TTC28: variants seen among roughly 807,000 people sequenced by gnomAD.
TTC28 encodes tetratricopeptide repeat protein 28.
Under a neutral mutation model 198.0 loss-of-function variants are expected in TTC28, and 61 were observed. The observed-to-expected ratio is 0.31, with a 90% confidence interval of 0.25 to 0.38. The LOEUF is 0.38. Ranked by LOEUF, TTC28 falls within the 10% of genes least tolerant of loss-of-function variation. The pLI, the probability that TTC28 is intolerant of heterozygous loss-of-function variation, is 1.00. For missense variants in TTC28, 2,678 were observed against 3,164.0 expected, an observed-to-expected ratio of 0.85 and a Z score of 3.69; for synonymous variants, 1,171 against 1,297.8, an observed-to-expected ratio of 0.90 and a Z score of 2.10.
At chr22:28,150,080 T>C (rs1025572529) in intron 6 of TTC28, among the ~76,000 whole-genome samples, 1 of 152,214 alleles carries the variant, frequency 6.6e-6, no homozygotes, top group Non-Finnish European at 1.5e-5. Flanking sequence ...AATCCTACTC[T>C]GCCCCAGAGT....
chr22:28,042,475 C>T (rs1344610691), intron 12 of TTC28, among the ~76,000 whole-genome samples: 5 of 151,810 alleles, frequency 3.3e-5, no homozygotes, highest in African/African-American at 4.8e-5. Context: ...CAAACTATCG[C>T]AAGGACAAAA....
chr22:28,506,157 A>G (rs1402167000), intron 2 of TTC28, among the ~76,000 whole-genome samples: 1 of 152,114 alleles, frequency 6.6e-6, no homozygotes, highest in Non-Finnish European at 1.5e-5. Context: ...CCTGGGACAG[A>G]GCTCCTGTGG....
intron 12 of TTC28, among the ~76,000 whole-genome samples, chr22:28,036,605 A>C (rs1434578640): frequency 6.6e-6 from 1 of 152,246 alleles, no homozygotes; most frequent in Non-Finnish European, 1.5e-5. Context: ...CACAATTGAA[A>C]GAACTAGAGA....
At chr22:28,310,174 A>ACACACAC (rs56832222) in intron 2 of TTC28, among the ~76,000 whole-genome samples, 3 of 83,664 alleles carry the variant, frequency 3.6e-5, no homozygotes, top group Non-Finnish European at 4.5e-5. Context: ...ACACACACAC[A>ACACACAC]AAAAACAAGA....
intron 5 of TTC28, among the ~76,000 whole-genome samples, chr22:28,227,314 C>T (rs1350491322): frequency 2.0e-5 from 3 of 152,088 alleles, no homozygotes; most frequent in South Asian, 2.1e-4. Flanking sequence ...GGAAAAGCTT[C>T]GTGACATTGG....
intron 5 of TTC28, among the ~76,000 whole-genome samples, chr22:28,249,103 C>A (rs1010513951): frequency 6.6e-6 from 1 of 151,944 alleles, no homozygotes; most frequent in South Asian, 2.1e-4. Flanking sequence ...GAAGACAAAG[C>A]GAGTACCATA....
rs1940361082 is a variant in TTC28, at chr22:28,058,043, T to A, written c.3933-27677A>T. On this transcript the variant is annotated intron_variant, in intron 12 of 22. Coordinates refer to ENST00000397906, the MANE Select transcript of TTC28 (RefSeq NM_001145418.2). Reference sequence around the variant, plus strand: ...TATACATTCTCCAACTTCACCTTTTTTTCCCCCAGATTGCTTTGGATATTC... The same window carrying A: ...TATACATTCTCCAACTTCACCTTTTATTCCCCCAGATTGCTTTGGATATTC... 3.3e-5 allele frequency among the ~76,000 whole-genome samples: 5 copies of A among 152,140 alleles called. No individual in the cohort carries two copies. In the South Asian group the frequency reaches 1.0e-3, roughly 32 times the overall value.
intron 2 of TTC28, among the ~76,000 whole-genome samples, chr22:28,334,912 G>C (rs1168480665): frequency 6.6e-6 from 1 of 152,118 alleles, no homozygotes; most frequent in African/African-American, 2.4e-5. Context: ...TGGTGTTTTA[G>C]ACATGAAGTC....
rs561391680 is a variant in TTC28, at chr22:28,423,643, T to C, written c.382-117000A>G. 7.9e-5 allele frequency among the ~76,000 whole-genome samples: 12 copies of C among 152,340 alleles called. 1 individual carries two copies. The highest frequency in any genetic ancestry group is 2.9e-4 in the African/African-American group (12 of 41,582). On this transcript the variant is annotated intron_variant, in intron 2 of 22. Transcript: ENST00000397906. ...ATCATTACAGTAGTTACATTAACCT[T>C]ACCTGCCTGTGCAAAATCAGAGCAA...
Position 27,983,109 on chromosome 22 carries a change from C to T in TTC28, c.6558G>A (p.Gln2186=). The T allele has an allele frequency of 6.4e-7, 1 of 1,551,756 alleles. No homozygotes were observed. Among genetic ancestry groups the T allele is most frequent in the Non-Finnish European group, 8.7e-7 (1 of 1,147,014 alleles). ...CTTCAGGGTTATTACTCTTGCTCAC[C>T]TGGCCGCCGCTCCTCTGAAGACGCT... is the stretch of plus-strand genomic sequence containing the variant. ...AVERLQRSGG[Q]VSKSNNPEDG... is the part of the protein sequence containing the mutation. Residue 2186 remains glutamine, a synonymous_variant, in exon 23 of 23, where the codon CAG becomes CAA. Transcript: ENST00000397906.
chr22:28,416,628 T>C (rs1231553947), intron 2 of TTC28, among the ~76,000 whole-genome samples: 2 of 150,964 alleles, frequency 1.3e-5, no homozygotes, highest in African/African-American at 4.8e-5. Context: ...CATGACCCAT[T>C]AGGGTGAGCT....
chr22:28,612,575 A>C (rs1466144828), intron 2 of TTC28, among the ~76,000 whole-genome samples: 1 of 152,214 alleles, frequency 6.6e-6, no homozygotes, highest in Non-Finnish European at 1.5e-5. Flanking sequence ...TTGACCACAT[A>C]GTTGGAAGTA....
chr22:28,206,175 A>C (rs1220082140), intron 5 of TTC28, among the ~76,000 whole-genome samples: 1 of 152,158 alleles, frequency 6.6e-6, no homozygotes, highest in East Asian at 1.9e-4. Context: ...GTAATTGCTA[A>C]TTAAAATACA....
chr22:28,277,218 A>T (rs2145724418), intron 5 of TTC28, among the ~76,000 whole-genome samples: 1 of 152,382 alleles, frequency 6.6e-6, no homozygotes, highest in Non-Finnish European at 1.5e-5. Context: ...ATGAAATAAA[A>T]GCAATAAGCA....
At chr22:28,455,332 T>C in intron 2 of TTC28, among the ~76,000 whole-genome samples, 1 of 152,362 alleles carries the variant, frequency 6.6e-6, no homozygotes, top group Admixed American at 6.5e-5. Context: ...CTAATTATTT[T>C]CCTTCTTCAT....
At chr22:28,651,074 C>T (rs2051556379) in intron 1 of TTC28, among the ~76,000 whole-genome samples, 1 of 152,188 alleles carries the variant, frequency 6.6e-6, no homozygotes, top group Non-Finnish European at 1.5e-5. Context: ...GACCATATAG[C>T]CCACAAAGCA....
chr22:28,232,477 A>G (rs1928886153), intron 5 of TTC28, among the ~76,000 whole-genome samples: 1 of 152,230 alleles, frequency 6.6e-6, no homozygotes, highest in African/African-American at 2.4e-5. Flanking sequence ...GGTCCATCAC[A>G]TAGAGAAAGC....
chr22:28,313,238 AC>A (rs1482008743), intron 2 of TTC28, among the ~76,000 whole-genome samples: 1 of 152,188 alleles, frequency 6.6e-6, no homozygotes, highest in Non-Finnish European at 1.5e-5. Flanking sequence ...CCAAACAAAA[AC>A]AGTCTGGGAC....
chr22:28,016,939 G>A (rs551877509), intron 13 of TTC28, among the ~76,000 whole-genome samples: 1 of 152,334 alleles, frequency 6.6e-6, no homozygotes, highest in African/African-American at 2.4e-5. Flanking sequence ...TGGCAATGCT[G>A]AACTACACAA....
Sources: allele counts gnomAD v4.1 joint callset (sites outside exome capture counted in the v4.1 genomes callset), GRCh38; gene constraint gnomAD v4.1.1; transcripts MANE v1.5; gene names NCBI Gene and HGNC (gene_info 2026-07-23, HGNC 2026-07-21).